DACH1: variants seen among roughly 807,000 people sequenced by gnomAD.
The protein encoded by DACH1 is dachshund family transcription factor 1.
DACH1 carries 12 observed loss-of-function variants against 54.2 expected under a neutral mutation model. The ratio of observed to expected loss-of-function variants is 0.22; its 90% CI spans 0.14 to 0.36. The LOEUF (loss-of-function observed/expected upper bound fraction) is 0.36, where lower values mean the gene tolerates loss of function less well. DACH1 is among the 10% of genes least tolerant of loss of function. The pLI, the probability that DACH1 is intolerant of heterozygous loss-of-function variation, is 1.00. For synonymous variants in DACH1, 386 were observed against 366.2 expected (o/e 1.05, Z -0.62); for missense variants, 805 against 929.8 (o/e 0.87, Z 1.75).
At chr13:71,633,894 C>T (rs771152877) in intron 2 of DACH1, among the ~76,000 whole-genome samples, 14 of 152,010 alleles carry the variant, frequency 9.2e-5, no homozygotes, top group Non-Finnish European at 1.6e-4. Flanking sequence ...ATAGCACGTC[C>T]CCCATCTCCA....
At chr13:71,789,925 G>T (rs1188929853) in intron 1 of DACH1, among the ~76,000 whole-genome samples, 1 of 152,048 alleles carries the variant, frequency 6.6e-6, no homozygotes, top group Admixed American at 6.6e-5. Context: ...GTCAGTGCCG[G>T]CATACAAATT....
intron 2 of DACH1, among the ~76,000 whole-genome samples, chr13:71,633,632 T>C (rs1050721570): frequency 6.6e-6 from 1 of 151,416 alleles, no homozygotes; most frequent in African/African-American, 2.4e-5. Flanking sequence ...TCATACACTT[T>C]TACATGCTGT....
chr13:71,670,767 C>T (rs1204710434), intron 2 of DACH1, among the ~76,000 whole-genome samples: 2 of 152,036 alleles, frequency 1.3e-5, no homozygotes, highest in Non-Finnish European at 2.9e-5. Flanking sequence ...TTACCTTTGT[C>T]TAGCTTCATC....
intron 1 of DACH1, among the ~76,000 whole-genome samples, chr13:71,738,978 C>T (rs1017408744): frequency 3.3e-5 from 5 of 151,950 alleles, no homozygotes; most frequent in Admixed American, 2.6e-4. Context: ...GGCAGCCAGG[C>T]ACGGTGGCTT....
At chr13:71,560,679 T>G (rs903350901) in intron 4 of DACH1, among the ~76,000 whole-genome samples, 6 of 152,090 alleles carry the variant, frequency 3.9e-5, no homozygotes, top group Non-Finnish European at 7.4e-5. Flanking sequence ...TCTCCACACC[T>G]CCCTCTCTAA....
intron 1 of DACH1, among the ~76,000 whole-genome samples, chr13:71,778,573 A>T (rs535978480): frequency 6.6e-6 from 1 of 152,126 alleles, no homozygotes; most frequent in Non-Finnish European, 1.5e-5. Context: ...AATTTTCAAA[A>T]GGCATAACTA....
chr13:71,579,215 T>C (rs1885715306), intron 3 of DACH1, among the ~76,000 whole-genome samples: 1 of 152,118 alleles, frequency 6.6e-6, no homozygotes, highest in Non-Finnish European at 1.5e-5. Flanking sequence ...ATAATACTGA[T>C]GCTATTAGTG....
intron 6 of DACH1, among the ~76,000 whole-genome samples, chr13:71,500,781 G>A (rs1250737376): frequency 6.6e-6 from 1 of 151,714 alleles, no homozygotes; most frequent in African/African-American, 2.4e-5. Flanking sequence ...CTGAACTCTG[G>A]CCTTTTTTTT....
chr13:71,732,040 A>G (rs1394002189), intron 1 of DACH1, among the ~76,000 whole-genome samples: 1 of 152,212 alleles, frequency 6.6e-6, no homozygotes, highest in Admixed American at 6.5e-5. Flanking sequence ...ATTGACCTTT[A>G]TAAAACTTAT....
At chr13:71,611,765 C>A (rs1364810138) in intron 3 of DACH1, among the ~76,000 whole-genome samples, 1 of 152,082 alleles carries the variant, frequency 6.6e-6, no homozygotes, top group Admixed American at 6.6e-5. Flanking sequence ...GAAATATGGA[C>A]AATGGTATGA....
intron 1 of DACH1, among the ~76,000 whole-genome samples, chr13:71,763,678 G>T (rs939856174): frequency 6.6e-6 from 1 of 152,068 alleles, no homozygotes; most frequent in Non-Finnish European, 1.5e-5. Flanking sequence ...ATCTTAATGT[G>T]AGACTCTGCA....
chr13:71,666,961 A>G (rs1008810652), intron 2 of DACH1, among the ~76,000 whole-genome samples: 8 of 152,168 alleles, frequency 5.3e-5, no homozygotes, highest in Non-Finnish European at 8.8e-5. Context: ...GGGCAACAAG[A>G]GCAAAACTCT....
intron 1 of DACH1, among the ~76,000 whole-genome samples, chr13:71,711,175 G>A (rs1174329976): frequency 2.0e-5 from 3 of 151,898 alleles, no homozygotes; most frequent in Non-Finnish European, 2.9e-5. Context: ...GGAAAATCTG[G>A]CCAATAATAA....
At chr13:71,759,054 T>C (rs1205698168) in intron 1 of DACH1, among the ~76,000 whole-genome samples, 1 of 152,150 alleles carries the variant, frequency 6.6e-6, no homozygotes, top group African/African-American at 2.4e-5. Flanking sequence ...TCCATTATCT[T>C]ACACATTAAT....
At chr13:71,612,675 A>T (rs1316851554) in intron 3 of DACH1, among the ~76,000 whole-genome samples, 1 of 152,212 alleles carries the variant, frequency 6.6e-6, no homozygotes, top group Non-Finnish European at 1.5e-5. Flanking sequence ...TATGTTCCAG[A>T]TTAAATGAAA....
chr13:71,657,765 A>T (rs1346331200), intron 2 of DACH1, among the ~76,000 whole-genome samples: 1 of 151,866 alleles, frequency 6.6e-6, no homozygotes, highest in Admixed American at 6.6e-5. Context: ...ATGTCTGAGT[A>T]ATTCTATTTT....
rs945045800 is a variant in DACH1 at position 71,558,218 on chromosome 13, C to G, written c.1436-1060G>C. ...ATATTGAGATATCACTTTCAGAGAA[C>G]TTGATTGGTTGACTGATGAGGTAAA... On this transcript the variant is annotated intron_variant, in intron 5 of 10. Coordinates refer to ENST00000613252, the MANE Select transcript of DACH1 (RefSeq NM_080759.6). Among the ~76,000 whole-genome samples the G allele has an allele frequency of 7.9e-5, 12 of 152,056 alleles. No individual in the cohort carries two copies. In the East Asian group the frequency reaches 1.9e-3, roughly 24 times the overall value.
intron 1 of DACH1, among the ~76,000 whole-genome samples, chr13:71,830,295 G>A (rs999234627): frequency 1.3e-5 from 2 of 151,846 alleles, no homozygotes; most frequent in African/African-American, 4.8e-5. Flanking sequence ...AAGAAATTGA[G>A]TACTATTGTT....
At chr13:71,693,610 G>T (rs1200627177) in intron 1 of DACH1, among the ~76,000 whole-genome samples, 1 of 151,568 alleles carries the variant, frequency 6.6e-6, no homozygotes, top group Admixed American at 6.6e-5. Context: ...GAGCCACCGC[G>T]CCCGGCCTGG....
Sources: allele counts gnomAD v4.1 joint callset (sites outside exome capture counted in the v4.1 genomes callset), GRCh38; gene constraint gnomAD v4.1.1; transcripts MANE v1.5; gene names NCBI Gene and HGNC (gene_info 2026-07-23, HGNC 2026-07-21).